The following PRELID2 variants were observed in gnomAD, a reference collection of about 807,000 sequenced individuals.
PRELID2 encodes PRELI domain-containing protein 2.
In PRELID2, 25 loss-of-function variants were observed where a neutral mutation model predicts 28.4. The observed-to-expected ratio is 0.88, with a 90% CI of 0.64 to 1.23. The LOEUF is 1.23. Ranked by LOEUF, PRELID2 falls within the 50% of genes most tolerant of loss-of-function variation. The pLI, the probability that PRELID2 is intolerant of heterozygous loss-of-function variation, is 0.00. For missense variants in PRELID2, 201 were observed against 214.4 expected, an observed-to-expected ratio of 0.94 and a Z score of 0.39; for synonymous variants, 76 against 71.6, an observed-to-expected ratio of 1.06 and a Z score of -0.31.
In PRELID2 at chr5:145,481,586, G is replaced by C. The variant is rs183634401; in HGVS notation, n.71-8271C>G. On this transcript the variant is annotated intron_variant and non_coding_transcript_variant, in intron 1 of 2. Coordinates refer to the PRELID2 transcript ENST00000510259. ...TGTTAAGTCCACTTTGACCAAAAAG[G>C]AACAAGTTTCTCTGGGTGATAAGAA... Among the ~76,000 whole-genome samples, 433 of 55,446 alleles carry C rather than the reference G, an allele frequency of 7.8e-3. 2 individuals are homozygous for C. The highest frequency in any genetic ancestry group is 6.5e-3 in the Non-Finnish European group (186 of 28,762). 36.4% of individuals were successfully genotyped at this position (55,446 alleles called of 152,430 possible). A position where few individuals can be genotyped will look rare whatever the true frequency, so the allele number is the denominator to read the frequency against.
chr5:145,715,012 A>G (rs993553447), intron 1 of PRELID2, among the ~76,000 whole-genome samples: 1 of 152,154 alleles, frequency 6.6e-6, no homozygotes, highest in Non-Finnish European at 1.5e-5. Context: ...TACATACTCC[A>G]TCTAGGCAAG....
the PRELID2 span, among the ~76,000 whole-genome samples, chr5:145,280,179 G>C: frequency 6.6e-6 from 1 of 152,092 alleles, no homozygotes; most frequent in Non-Finnish European, 1.5e-5. Context: ...TTTGAAACAT[G>C]CCGGCCCCCT....
intron 1 of PRELID2, among the ~76,000 whole-genome samples, chr5:145,610,847 TC>T (rs1350223181): frequency 1.1e-4 from 16 of 152,046 alleles, no homozygotes; most frequent in African/African-American, 3.9e-4. Flanking sequence ...TCAAAGTTAA[TC>T]ACAACAGGTC....
intron 1 of PRELID2, among the ~76,000 whole-genome samples, chr5:145,625,671 G>A (rs1753835540): frequency 6.6e-6 from 1 of 152,112 alleles, no homozygotes; most frequent in Non-Finnish European, 1.5e-5. Flanking sequence ...TTTAGAGTGA[G>A]CCAATTACTG....
At chr5:145,423,450 T>A in the PRELID2 span, among the ~76,000 whole-genome samples, 1 of 152,174 alleles carries the variant, frequency 6.6e-6, no homozygotes, top group Non-Finnish European at 1.5e-5. Flanking sequence ...TATTCTTTTT[T>A]CTCTGGACTT....
intron 4 of PRELID2, among the ~76,000 whole-genome samples, chr5:145,807,431 C>T (rs1190303381): frequency 6.6e-6 from 1 of 152,288 alleles, no homozygotes; most frequent in Non-Finnish European, 1.5e-5. Flanking sequence ...GTTCTAACAA[C>T]TTACATTTAT....
the PRELID2 span, among the ~76,000 whole-genome samples, chr5:145,361,350 G>A: frequency 3.3e-5 from 5 of 152,154 alleles, no homozygotes; most frequent in South Asian, 2.1e-4. Flanking sequence ...GCTGAAGACC[G>A]AGTGGCAGAG....
the PRELID2 span, among the ~76,000 whole-genome samples, chr5:145,414,544 G>T: frequency 6.6e-6 from 1 of 152,096 alleles, no homozygotes; most frequent in Non-Finnish European, 1.5e-5. Flanking sequence ...CAATTAAGAA[G>T]TAAAATTGTC....
intron 5 of PRELID2, among the ~76,000 whole-genome samples, chr5:145,784,000 G>A (rs552996943): frequency 6.6e-6 from 1 of 152,210 alleles, no homozygotes; most frequent in East Asian, 1.9e-4. Context: ...TTGGAGGGGG[G>A]CTGGGGCATG....
At chr5:145,309,622 A>G in the PRELID2 span, among the ~76,000 whole-genome samples, 6 of 152,346 alleles carry the variant, frequency 3.9e-5, no homozygotes, top group African/African-American at 1.2e-4. Context: ...ACTAACAACA[A>G]TAGCTAACAT....
chr5:145,231,459 A>G, the PRELID2 span, among the ~76,000 whole-genome samples: 1 of 152,324 alleles, frequency 6.6e-6, no homozygotes, highest in South Asian at 2.1e-4. Flanking sequence ...AGAGTCAGGA[A>G]ACAAGGGACA....
the PRELID2 span, among the ~76,000 whole-genome samples, chr5:145,446,047 A>T: frequency 6.6e-6 from 1 of 152,214 alleles, no homozygotes; most frequent in Admixed American, 6.5e-5. Context: ...GGAAAAATAA[A>T]TTCTGACATT....
chr5:145,497,590 C>T (rs1752319860), intron 1 of PRELID2, among the ~76,000 whole-genome samples: 1 of 152,078 alleles, frequency 6.6e-6, no homozygotes, highest in Non-Finnish European at 1.5e-5. Context: ...AGTAGAAACG[C>T]CTGCATACTA....
At chr5:145,778,819 C>A (rs1268322742) in intron 5 of PRELID2, among the ~76,000 whole-genome samples, 1 of 152,198 alleles carries the variant, frequency 6.6e-6, no homozygotes, top group Non-Finnish European at 1.5e-5. Flanking sequence ...GTGGAATGAG[C>A]CCAGCAGGCC....
At chr5:145,798,864 G>A (rs942542469) in intron 4 of PRELID2, among the ~76,000 whole-genome samples, 2 of 151,966 alleles carry the variant, frequency 1.3e-5, no homozygotes, top group Non-Finnish European at 2.9e-5. Flanking sequence ...CACACACCAG[G>A]GCCTGTCAGT....
intron 1 of PRELID2, among the ~76,000 whole-genome samples, chr5:145,586,198 C>T (rs978140328): frequency 6.6e-6 from 1 of 152,056 alleles, no homozygotes; most frequent in African/African-American, 2.4e-5. Flanking sequence ...TTTCCTCCCA[C>T]GAATTCCCCT....
At chr5:145,826,097 C>T (rs1755173761) in intron 1 of PRELID2, 1 of 985,242 alleles carries the variant, frequency 1.0e-6, no homozygotes, top group Non-Finnish European at 1.2e-6. Flanking sequence ...AGGATCACAC[C>T]CATCAAAGAC....
chr5:145,689,863 A>G (rs2149694806), intron 1 of PRELID2, among the ~76,000 whole-genome samples: 1 of 152,082 alleles, frequency 6.6e-6, no homozygotes, highest in South Asian at 2.1e-4. Flanking sequence ...TTGCATCTCC[A>G]TTTACTACTC....
the PRELID2 span, among the ~76,000 whole-genome samples, chr5:145,390,774 T>A: frequency 6.6e-6 from 1 of 151,990 alleles, no homozygotes; most frequent in African/African-American, 2.4e-5. Flanking sequence ...ACCAGGCAAT[T>A]CCCTTCCATC....
Sources: allele counts gnomAD v4.1 joint callset (sites outside exome capture counted in the v4.1 genomes callset), GRCh38; gene constraint gnomAD v4.1.1; transcripts MANE v1.5; gene names NCBI Gene and HGNC (gene_info 2026-07-23, HGNC 2026-07-21).